DGKA: variants seen among roughly 807,000 people sequenced by gnomAD.
DGKA encodes the protein 80 kDa diacylglycerol kinase.
DGKA carries 35 observed loss-of-function variants against 105.0 expected under a neutral mutation model. The observed-to-expected ratio is 0.33, with a 90% CI of 0.25 to 0.44. The LOEUF is 0.44. Among genes scored for constraint, DGKA ranks in the 20% least tolerant of loss-of-function variants. The probability of loss-of-function intolerance (pLI) is 1.00; values close to 1 mark genes in which losing one functional copy is unlikely to be tolerated. For synonymous variants in DGKA, 296 were observed against 332.0 expected (o/e 0.89, Z 1.18); for missense variants, 665 against 915.0 (o/e 0.73, Z 3.53).
chr12:55,946,984 C>CTTT (rs1233832786), intron 17 of DGKA, among the ~76,000 whole-genome samples: 19 of 127,876 alleles, frequency 1.5e-4, no homozygotes, highest in African/African-American at 3.0e-4. Context: ...TCCTTTCTTT[C>CTTT]TTTTTTTTTT....
At chr12:55,950,766 G>T (rs1887999675) in intron 17 of DGKA, among the ~76,000 whole-genome samples, 1 of 152,008 alleles carries the variant, frequency 6.6e-6, no homozygotes, top group African/African-American at 2.4e-5. Flanking sequence ...TTGAGATGGG[G>T]TCTCACTATG....
Position 55,940,768 on chromosome 12 carries a change from G to A in DGKA, c.1017+46G>A. ...GGGGAGGGGACAGGAGTGCCTCCCC[G>A]ATTTCCCACACGCACAGAGTGGCAT... is the stretch of plus-strand genomic sequence containing the variant. On this transcript the variant is annotated intron_variant, in intron 12 of 23. Coordinates refer to ENST00000331886, the MANE Select transcript of DGKA (RefSeq NM_001345.5). This position sits in a 1 kb window ranked among gnomAD's most constrained non-coding sequence, Gnocchi z 4.3. 6.2e-7 allele frequency: 1 copy of A among 1,607,190 alleles called. No homozygotes were observed. Among genetic ancestry groups the A allele is most frequent in the Non-Finnish European group, 8.5e-7 (1 of 1,174,048 alleles).
chr12:55,927,477 G>A (rs989914619), upstream of DGKA: 8 of 691,770 alleles, frequency 1.2e-5, no homozygotes, highest in South Asian at 1.1e-4. Context: ...CCTTATAAAT[G>A]AAGAAAGGAA....
In DGKA at chr12:55,952,389, C is replaced by G; in HGVS notation, c.1701C>G (p.Ile567Met). The G allele has an allele frequency of 1.2e-6, 2 of 1,614,192 alleles. No individual in the cohort carries two copies. The highest frequency in any genetic ancestry group is 1.7e-6 in the Non-Finnish European group (2 of 1,180,042). The change falls in exon 20 of 24, where the codon ATC becomes ATG. Residue 567 changes from isoleucine (I) to methionine (M), a missense_variant. Physicochemically the swap from Ile to Met is conservative, Grantham distance 10. Around this residue, in one of 3 missense-constraint regions of DGKA, gnomAD observed 158 missense variants for 213.4 expected, o/e 0.74. Transcript: ENST00000331886. The surrounding 1 kb of genome is among the most constrained non-coding windows in gnomAD (Gnocchi z 5.1). ...TCGAATTTGCCACATCTGAATCCATCTTCTCAACATGCAAAAAGCTGGAGG... is the reference window on the plus strand; with the variant it reads ...TCGAATTTGCCACATCTGAATCCATGTTCTCAACATGCAAAAAGCTGGAGG... ...WYFEFATSESIFSTCKKLEES... is the reference protein window; with the variant it reads ...WYFEFATSESMFSTCKKLEES...
chr12:55,933,762 A>T (rs1209389793), intron 1 of DGKA, among the ~76,000 whole-genome samples: 1 of 152,182 alleles, frequency 6.6e-6, no homozygotes, highest in African/African-American at 2.4e-5. Context: ...AAGACGTACA[A>T]CTGGGCTTCA....
At chr12:55,937,732 T>A (rs1885042050) in intron 4 of DGKA, among the ~76,000 whole-genome samples, 189 bp downstream of exon 4, 1 of 152,018 alleles carries the variant, frequency 6.6e-6, no homozygotes. Flanking sequence ...GGGCAGTGGC[T>A]CACACCTGTA....
At chr12:55,941,880 T>C (rs1347180805) in intron 15 of DGKA, 118 bp from the exon 16 acceptor site, 19 of 1,113,714 alleles carry the variant, frequency 1.7e-5, no homozygotes, top group African/African-American at 4.6e-5. Context: ...CTCAAGTCTT[T>C]TGACAAAAAG....
intron 17 of DGKA, among the ~76,000 whole-genome samples, chr12:55,949,072 C>T (rs557362241): frequency 6.6e-5 from 10 of 151,904 alleles, no homozygotes; most frequent in Non-Finnish European, 1.3e-4. Flanking sequence ...ACGTTGTCAC[C>T]GTAAAGATTT....
At position 55,940,338 on chromosome 12, in the gene DGKA, G is replaced by C; in HGVS notation, c.823G>C (p.Gly275Arg). ...IGVQSHVWVR[G>R]GCESGRCDRC... The stretch of plus-strand genomic sequence containing the variant: ...GGTCCAATCACATGTGTGGGTGCGA[G>C]GAGGCTGTGAGTCCGGGCGCTGCGA... The change falls in exon 11 of 24, where the codon GGA becomes CGA. Residue 275 changes from glycine (G) to arginine (R), a missense_variant. Physicochemically the swap from Gly to Arg is moderately radical, Grantham distance 125 (BLOSUM62 -2). Coordinates refer to ENST00000331886, the MANE Select transcript of DGKA (RefSeq NM_001345.5). This position sits in a 1 kb window ranked among gnomAD's most constrained non-coding sequence, Gnocchi z 4.3. The C allele has an allele frequency of 1.2e-6, 2 of 1,614,242 alleles. No homozygotes were observed. Among genetic ancestry groups the C allele is most frequent in the Non-Finnish European group, 1.7e-6 (2 of 1,180,044 alleles).
At position 55,938,294 on chromosome 12, in the gene DGKA, G is replaced by A. The variant is rs1304027310; in HGVS notation, c.350-217G>A. 10 of 700,648 alleles carry A rather than the reference G, an allele frequency of 1.4e-5. 1 individual carries two copies. Among genetic ancestry groups the A allele is most frequent in the Non-Finnish European group, 2.4e-5 (10 of 413,014 alleles). The allele number at this position is 700,648 out of a possible 1,614,324, so 43.4% of individuals were successfully genotyped here. On this transcript the variant is annotated intron_variant, in intron 5 of 23. Coordinates refer to ENST00000331886, the MANE Select transcript of DGKA (RefSeq NM_001345.5). The stretch of plus-strand genomic sequence containing the variant: ...ATGTAGGCGGCCTAGGATGTCCTTG[G>A]GATATGGATTATGTATTGTCTCCCC...
chr12:55,952,627 G>A lies in DGKA; in HGVS notation c.1744-107G>A. On this transcript the variant is annotated intron_variant, in intron 20 of 23. Coordinates refer to ENST00000331886, the MANE Select transcript of DGKA (RefSeq NM_001345.5). This position sits in a 1 kb window ranked among gnomAD's most constrained non-coding sequence, Gnocchi z 5.1. ...CATTCCTTGCACACCTCCAAATCCT[G>A]CCTTCTCCAGTTTGTCATCTGGTGG... The A allele has an allele frequency of 7.2e-7, 1 of 1,381,004 alleles. No individual in the cohort carries two copies. 85.5% of individuals were successfully genotyped at this position (1,381,004 alleles called of 1,614,324 possible).
chr12:55,942,574 A>T, intron 17 of DGKA: 1 of 354,354 alleles, frequency 2.8e-6, no homozygotes. Flanking sequence ...TGAATAAGGA[A>T]GGTTGTATAA....
At position 55,942,031 on chromosome 12, in the gene DGKA, G is replaced by C; in HGVS notation, c.1284G>C (p.Arg428=). The change falls in exon 16 of 24, where the codon CGG becomes CGC. Residue 428 remains arginine (R), a synonymous_variant. Transcript: ENST00000331886. ...LRLFKDVPDS[R]ILVCGGDGTV... is the part of the protein sequence containing the mutation. ...TATTCAAGGATGTTCCTGATAGCCG[G>C]ATTTTGGTGTGTGGTGGAGACGGCA... The C allele has an allele frequency of 6.2e-7, 1 of 1,614,172 alleles. No homozygotes were observed. The highest frequency in any genetic ancestry group is 1.1e-5 in the South Asian group (1 of 91,074).
intron 15 of DGKA, 37 bp downstream of exon 15, chr12:55,941,621 G>C (rs2291616): frequency 1.9e-6 from 3 of 1,596,858 alleles, no homozygotes; most frequent in Non-Finnish European, 2.6e-6. Flanking sequence ...CAGTGTTTTC[G>C]TGGGTCTGTG....
At position 55,953,346 on chromosome 12, in the gene DGKA, A is replaced by G. The variant is rs761869075; in HGVS notation, c.2064-4A>G. 14 of 1,613,982 alleles carry G rather than the reference A, an allele frequency of 8.7e-6. No individual in the cohort carries two copies. The African/African-American group carries it at 1.5e-4, about 17-fold the overall frequency. On this transcript the variant is annotated splice_region_variant and splice_polypyrimidine_tract_variant and intron_variant, in intron 22 of 23. Coordinates refer to ENST00000331886, the MANE Select transcript of DGKA (RefSeq NM_001345.5). ...AATCACCAATGTTCCTTGGCCTCCT[A>G]TAGCACCACAAAAACCCTTCCCATG...
chr12:55,927,774 A>C (rs1189396983), upstream of DGKA: 1 of 1,538,468 alleles, frequency 6.5e-7, no homozygotes, highest in Non-Finnish European at 8.7e-7. Context: ...CCGAAGAGGC[A>C]GCGGACCAGG....
intron 17 of DGKA, among the ~76,000 whole-genome samples, chr12:55,946,889 T>C (rs997050755): frequency 6.6e-6 from 1 of 152,078 alleles, no homozygotes; most frequent in Non-Finnish European, 1.5e-5. Context: ...CAGGGTGGGA[T>C]GGGCAAAAGG....
At chr12:55,939,728 A>G in intron 9 of DGKA, 199 bp downstream of exon 9, 1 of 619,726 alleles carries the variant, frequency 1.6e-6, no homozygotes, top group Admixed American at 2.9e-5. Context: ...GAGCATTAAA[A>G]AAGTTGGTGC....
chr12:55,936,797 C>G (rs752312513), intron 2 of DGKA: 2 of 808,738 alleles, frequency 2.5e-6, no homozygotes, highest in South Asian at 2.8e-5. Context: ...CGGCTCTCTA[C>G]CCACCTTCGC....
Sources: gnomAD v4.1 joint callset for allele counts (sites outside exome capture counted in the v4.1 genomes callset) on GRCh38, gnomAD v4.1.1 for gene constraint, gnomAD v4.1.1 regional missense constraint, Gnocchi (gnomAD v3.1) non-coding constraint, MANE v1.5 for transcripts, NCBI Gene and HGNC (gene_info 2026-07-23, HGNC 2026-07-21) for gene names.